Variants in CAMTA1 observed in about 807,000 individuals in gnomAD.
The protein encoded by CAMTA1 is calmodulin binding transcription activator 1.
CAMTA1 carries 27 observed loss-of-function variants against 170.9 expected under a neutral mutation model. The ratio of observed to expected loss-of-function variants is 0.16; its 90% CI spans 0.12 to 0.22. The LOEUF (loss-of-function observed/expected upper bound fraction) is 0.22. CAMTA1 is among the 10% of genes least tolerant of loss of function. CAMTA1 has a pLI of 1.00. For synonymous variants in CAMTA1, 833 were observed against 891.5 expected (o/e 0.93, Z 1.17); for missense variants, 1,619 against 2,217.2 (o/e 0.73, Z 5.42).
chr1:7,575,856 C>T (rs1032234209), intron 6 of CAMTA1, among the ~76,000 whole-genome samples: 1 of 152,170 alleles, frequency 6.6e-6, no homozygotes, highest in Non-Finnish European at 1.5e-5. Context: ...TTTGCACTGC[C>T]AGGCAAGGCC....
At chr1:7,081,545 T>C (rs1283913287) in intron 3 of CAMTA1, among the ~76,000 whole-genome samples, 1 of 152,254 alleles carries the variant, frequency 6.6e-6, no homozygotes, top group Non-Finnish European at 1.5e-5. Flanking sequence ...TTTTAAAATC[T>C]ATTTCTTTCT....
chr1:7,425,895 C>T (rs1322169797), intron 5 of CAMTA1, among the ~76,000 whole-genome samples: 2 of 152,212 alleles, frequency 1.3e-5, no homozygotes, highest in Non-Finnish European at 2.9e-5. Flanking sequence ...CTTCTCCCTG[C>T]CCCCATAGCC....
chr1:7,402,150 C>T (rs967936661), intron 5 of CAMTA1, among the ~76,000 whole-genome samples: 2 of 152,240 alleles, frequency 1.3e-5, no homozygotes, highest in African/African-American at 2.4e-5. Flanking sequence ...TGGGTTTTTT[C>T]CTAATCCAGG....
chr1:7,531,377 C>T (rs1390578302), intron 6 of CAMTA1, among the ~76,000 whole-genome samples: 6 of 152,206 alleles, frequency 3.9e-5, no homozygotes, highest in Admixed American at 3.9e-4. Context: ...CTCACAGACT[C>T]GCTGGGGGTT....
At chr1:7,156,847 A>G (rs1205103169) in intron 4 of CAMTA1, among the ~76,000 whole-genome samples, 1 of 152,094 alleles carries the variant, frequency 6.6e-6, no homozygotes, top group Non-Finnish European at 1.5e-5. Context: ...CTTTCTTGCT[A>G]AGTCCTCCAC....
At chr1:7,185,875 TA>T (rs1653147207) in intron 4 of CAMTA1, among the ~76,000 whole-genome samples, 1 of 152,208 alleles carries the variant, frequency 6.6e-6, no homozygotes, top group Non-Finnish European at 1.5e-5. Context: ...TAAAGGAAAC[TA>T]AAGAGATACA....
chr1:7,103,561 ACACAC>A (rs1347952881), intron 4 of CAMTA1, among the ~76,000 whole-genome samples: 14 of 91,244 alleles, frequency 1.5e-4, no homozygotes, highest in African/African-American at 5.7e-4. Flanking sequence ...CTACACACAT[ACACAC>A]AACACAACTA....
intron 6 of CAMTA1, among the ~76,000 whole-genome samples, chr1:7,503,091 G>A (rs1451109175): frequency 1.3e-5 from 2 of 152,160 alleles, no homozygotes; most frequent in Non-Finnish European, 2.9e-5. Context: ...GGCGTGTCAT[G>A]GGCTCTGTGG....
At chr1:7,558,313 G>C (rs2094908531) in intron 6 of CAMTA1, among the ~76,000 whole-genome samples, 1 of 152,216 alleles carries the variant, frequency 6.6e-6, no homozygotes, top group Non-Finnish European at 1.5e-5. Context: ...CGTCCCCCAG[G>C]CATGGCAGGA....
At chr1:7,377,707 G>A (rs983773187) in intron 5 of CAMTA1, among the ~76,000 whole-genome samples, 5 of 152,134 alleles carry the variant, frequency 3.3e-5, no homozygotes, top group African/African-American at 4.8e-5. Flanking sequence ...ATCATTTGAG[G>A]TCAGGAGTTC....
intron 6 of CAMTA1, among the ~76,000 whole-genome samples, chr1:7,533,544 T>G (rs1464025276): frequency 6.6e-6 from 1 of 152,180 alleles, no homozygotes; most frequent in Non-Finnish European, 1.5e-5. Context: ...CTCTCCCTAC[T>G]GAGTGTGTCA....
intron 5 of CAMTA1, among the ~76,000 whole-genome samples, chr1:7,320,851 G>T (rs1678305857): frequency 1.3e-5 from 2 of 151,934 alleles, no homozygotes; most frequent in South Asian, 2.1e-4. Flanking sequence ...TGGGCTCAGT[G>T]GATCCATTGT....
chr1:7,380,155 T>A lies in CAMTA1; in HGVS notation c.439-87675T>A, dbSNP rs527672918. The stretch of plus-strand genomic sequence containing the variant: ...TCATATGTTTTAACATACCTATTAT[T>A]TATATGCAAATCTGGCTCTTCAAAG... On this transcript the variant is annotated intron_variant, in intron 5 of 22. Transcript: ENST00000303635. Among the ~76,000 whole-genome samples, 97 of 152,318 alleles carry A rather than the reference T, an allele frequency of 6.4e-4. 1 individual carries two copies. In the Middle Eastern group the frequency reaches 0.01, roughly 16 times the overall value.
At chr1:7,104,527 TG>T (rs1217878992) in intron 4 of CAMTA1, among the ~76,000 whole-genome samples, 1 of 152,176 alleles carries the variant, frequency 6.6e-6, no homozygotes, top group African/African-American at 2.4e-5. Flanking sequence ...AGAGGAGCTC[TG>T]GGGGAACTGG....
In CAMTA1 at chr1:7,007,774, C is replaced by T. The variant is rs114977304; in HGVS notation, c.235-83530C>T. Among the ~76,000 whole-genome samples, 619 of 152,288 alleles carry T rather than the reference C, an allele frequency of 4.1e-3. 5 individuals carry two copies. Among genetic ancestry groups the T allele is most frequent in the African/African-American group, 0.014 (582 of 41,554 alleles). On this transcript the variant is annotated intron_variant, in intron 3 of 22. Transcript: ENST00000303635. The surrounding 1 kb of genome is among the most constrained non-coding windows in gnomAD (Gnocchi z 4.5). ...TGTGCTTTTCTACCGACTTCTGGGC[C>T]GGGTCATCCACTCCTCCAGAAGAGA...
At chr1:7,291,698 G>A (rs1279869537) in intron 5 of CAMTA1, among the ~76,000 whole-genome samples, 3 of 152,264 alleles carry the variant, frequency 2.0e-5, no homozygotes, top group Non-Finnish European at 1.5e-5. Flanking sequence ...GAAGGGCAGA[G>A]AGCCTAGCCC....
intron 5 of CAMTA1, among the ~76,000 whole-genome samples, chr1:7,272,378 A>G (rs1186620445): frequency 6.6e-6 from 1 of 152,234 alleles, no homozygotes; most frequent in Non-Finnish European, 1.5e-5. Context: ...CTGGCTTTTT[A>G]AAAGAAATTG....
intron 3 of CAMTA1, among the ~76,000 whole-genome samples, chr1:6,906,546 T>C (rs1212583798): frequency 6.6e-6 from 1 of 152,150 alleles, no homozygotes; most frequent in Non-Finnish European, 1.5e-5. Context: ...CCAGGGACTT[T>C]GGCCATGGGA....
intron 3 of CAMTA1, among the ~76,000 whole-genome samples, chr1:6,903,714 C>A (rs894149014): frequency 6.6e-6 from 1 of 152,092 alleles, no homozygotes; most frequent in Non-Finnish European, 1.5e-5. Flanking sequence ...CTCAGTGTTA[C>A]GAAGAAGTTG....
Sources: gnomAD v4.1 joint callset for allele counts (sites outside exome capture counted in the v4.1 genomes callset) on GRCh38, gnomAD v4.1.1 for gene constraint, Gnocchi (gnomAD v3.1) non-coding constraint, MANE v1.5 for transcripts, NCBI Gene and HGNC (gene_info 2026-07-23, HGNC 2026-07-21) for gene names.